Variants in AK8 observed in about 807,000 individuals in gnomAD.
AK8 encodes ATP-AMP transphosphorylase 8.
AK8 carries 44 observed loss-of-function variants against 54.6 expected under a neutral mutation model. The ratio of observed to expected loss-of-function variants is 0.81; its 90% CI spans 0.63 to 1.04. The LOEUF (loss-of-function observed/expected upper bound fraction) is 1.04, where lower values mean the gene tolerates loss of function less well. Among genes scored for constraint, AK8 ranks in the 50% least tolerant of loss-of-function variants. The pLI is 0.00. For missense variants in AK8, 555 were observed against 613.6 expected, an observed-to-expected ratio of 0.90 and a Z score of 1.01; for synonymous variants, 239 against 245.6, an observed-to-expected ratio of 0.97 and a Z score of 0.25.
rs1302372293 is a variant in AK8, at chr9:132,791,652, AAG to A, written c.1121+980_1121+981del. ...CTACTGCAGAAATAGACACTCAGAA[AAG>A]AGAAAGTTCAGAAACAGGCCCAGTA... On this transcript the variant is annotated intron_variant, in intron 11 of 12. Coordinates refer to ENST00000298545, the MANE Select transcript of AK8 (RefSeq NM_152572.3). The surrounding 1 kb of genome is among the most constrained non-coding windows in gnomAD (Gnocchi z 4.0). Among the ~76,000 whole-genome samples the A allele has an allele frequency of 6.6e-6, 1 of 152,200 alleles. No individual in the cohort carries two copies. Among genetic ancestry groups the A allele is most frequent in the East Asian group, 1.9e-4 (1 of 5,198 alleles).
At chr9:132,736,123 T>C (rs2769941) in intron 11 of AK8, among the ~76,000 whole-genome samples, 83,171 of 151,778 alleles carry the variant, frequency 0.55, 23,153 homozygotes, top group Admixed American at 0.68. Context: ...ATGTGTGGTC[T>C]GTCATTGACC....
At chr9:132,866,397 A>G (rs910742317) in intron 3 of AK8, among the ~76,000 whole-genome samples, 1 of 152,226 alleles carries the variant, frequency 6.6e-6, no homozygotes, top group African/African-American at 2.4e-5. Context: ...GAGAACAAAC[A>G]AAGCAAATAT....
chr9:132,859,382 G>A (rs1055831575), intron 4 of AK8, among the ~76,000 whole-genome samples: 2 of 151,890 alleles, frequency 1.3e-5, no homozygotes, highest in Admixed American at 6.6e-5. Flanking sequence ...GACTACAGGC[G>A]CCCCCCACCA....
chr9:132,727,921 C>A (rs1054087134), intron 11 of AK8, among the ~76,000 whole-genome samples: 1 of 152,186 alleles, frequency 6.6e-6, no homozygotes, highest in Non-Finnish European at 1.5e-5. Context: ...ACTCCTGCTG[C>A]CACCTGACCA....
In AK8 at chr9:132,817,965, A is replaced by G. The variant is rs948562116; in HGVS notation, c.890-3238T>C. The stretch of plus-strand genomic sequence containing the variant: ...AAAGAGAAAATATTAACAGCAGCTG[A>G]GGGCAGGGGGAGTGCTTCACATGCA... On this transcript the variant is annotated intron_variant, in intron 9 of 12. Coordinates refer to ENST00000298545, the MANE Select transcript of AK8 (RefSeq NM_152572.3). Among the ~76,000 whole-genome samples, 19 of 152,366 alleles carry G rather than the reference A, an allele frequency of 1.2e-4. No individual in the cohort carries two copies. In the East Asian group the frequency reaches 1.3e-3, roughly 11 times the overall value.
intron 10 of AK8, among the ~76,000 whole-genome samples, chr9:132,793,512 T>C (rs1840031621): frequency 6.6e-6 from 1 of 152,204 alleles, no homozygotes; most frequent in African/African-American, 2.4e-5. Context: ...TGTGATGCGC[T>C]AGCAACGCCC....
chr9:132,873,457 A>G (rs867729998), intron 2 of AK8, among the ~76,000 whole-genome samples: 47 of 152,308 alleles, frequency 3.1e-4, no homozygotes, highest in Non-Finnish European at 5.3e-4. Flanking sequence ...GGCAGGACAG[A>G]GGACTGTGCT....
At chr9:132,815,614 C>T (rs780834020) in intron 9 of AK8, among the ~76,000 whole-genome samples, 5 of 152,104 alleles carry the variant, frequency 3.3e-5, no homozygotes, top group East Asian at 3.8e-4. Context: ...TGGCCAGTGG[C>T]GGCTGCCCCG....
rs1030790167 is a variant in AK8, at chr9:132,837,135, G to A, written c.403-8409C>T. On this transcript the variant is annotated intron_variant, in intron 5 of 12. Transcript: ENST00000298545. The surrounding 1 kb of genome is among the most constrained non-coding windows in gnomAD (Gnocchi z 4.3). ...AGAGATCGAGACCATCCTGGCCAAC[G>A]TGGTGAAACCCCATCTCTACTAAAT... Among the ~76,000 whole-genome samples, 1 of 152,010 alleles carries A rather than the reference G, an allele frequency of 6.6e-6. No homozygotes were observed. Among genetic ancestry groups the A allele is most frequent in the African/African-American group, 2.4e-5 (1 of 41,386 alleles).
chr9:132,761,189 C>G (rs1838443109), intron 11 of AK8, among the ~76,000 whole-genome samples: 1 of 151,544 alleles, frequency 6.6e-6, no homozygotes, highest in Non-Finnish European at 1.5e-5. Context: ...GGGAGGGGAA[C>G]AATTCATTTT....
intron 11 of AK8, among the ~76,000 whole-genome samples, chr9:132,785,104 CTT>C (rs550073031): frequency 3.2e-4 from 42 of 133,188 alleles, no homozygotes; most frequent in Admixed American, 3.8e-4. Context: ...GTGGGATACT[CTT>C]TTTTTTTTTT....
intron 11 of AK8, among the ~76,000 whole-genome samples, chr9:132,761,552 G>C (rs2131054229): frequency 6.6e-6 from 1 of 152,182 alleles, no homozygotes; most frequent in South Asian, 2.1e-4. Flanking sequence ...ATGAGCCGCT[G>C]CACCTGGCCT....
intron 2 of AK8, among the ~76,000 whole-genome samples, chr9:132,872,277 A>G (rs1475185825): frequency 6.6e-6 from 1 of 152,160 alleles, no homozygotes; most frequent in East Asian, 1.9e-4. Context: ...TCAAGCCTGT[A>G]ATGGGCTGTA....
chr9:132,734,026 G>A (rs1034946218), intron 11 of AK8, among the ~76,000 whole-genome samples: 15 of 152,104 alleles, frequency 9.9e-5, no homozygotes, highest in African/African-American at 3.6e-4. Context: ...GCTTATTAAC[G>A]ACACAGATCT....
rs138519131 is a variant in AK8 at position 132,819,113 on chromosome 9, C to A, written c.889+4092G>T. Among the ~76,000 whole-genome samples, 479 of 152,234 alleles carry A rather than the reference C, an allele frequency of 3.1e-3. 7 individuals are homozygous for A. The highest frequency in any genetic ancestry group is 0.011 in the African/African-American group (442 of 41,520). ...CTATCCTTACTGTATACAGTCAGCC[C>A]TCCATATCCATAGTTTCTACACTCA... is the stretch of plus-strand genomic sequence containing the variant. On this transcript the variant is annotated intron_variant, in intron 9 of 12. Transcript: ENST00000298545.
At chr9:132,800,850 G>A (rs1057124309) in intron 10 of AK8, among the ~76,000 whole-genome samples, 5 of 151,686 alleles carry the variant, frequency 3.3e-5, no homozygotes, top group African/African-American at 9.7e-5. Context: ...CAAGACTGAG[G>A]TGCCCACACG....
chr9:132,812,530 T>TGCCCACTGGGATGACGGGTGAACCGCCGC (rs1841087208), intron 10 of AK8, among the ~76,000 whole-genome samples: 1 of 130,644 alleles, frequency 7.7e-6, no homozygotes, highest in African/African-American at 2.8e-5. Context: ...TGAGCTACCG[T>TGCCCACTGGGATGACGGGTGAACCGCCGC]GCCCACTGGG....
chr9:132,850,281 A>G (rs1295305101), intron 5 of AK8, among the ~76,000 whole-genome samples: 1 of 138,060 alleles, frequency 7.2e-6, no homozygotes, highest in Non-Finnish European at 1.5e-5. Flanking sequence ...GTGCAATGGC[A>G]TGTGTACGGC....
intron 5 of AK8, among the ~76,000 whole-genome samples, chr9:132,848,085 C>T (rs114061770): frequency 0.019 from 2,544 of 133,170 alleles, 79 homozygotes; most frequent in African/African-American, 0.065. Context: ...CATTGCACTC[C>T]GGCCTGGGCA....
Sources: gnomAD v4.1 joint callset for allele counts (sites outside exome capture counted in the v4.1 genomes callset) on GRCh38, gnomAD v4.1.1 for gene constraint, Gnocchi (gnomAD v3.1) non-coding constraint, MANE v1.5 for transcripts, NCBI Gene and HGNC (gene_info 2026-07-23, HGNC 2026-07-21) for gene names.